The following IL12RB2 variants were observed in gnomAD, a reference collection of about 807,000 sequenced individuals.
The protein encoded by IL12RB2 is interleukin 12 receptor subunit beta 2, also known as interleukin-12 receptor subunit beta-2.
IL12RB2 carries 82 observed loss-of-function variants against 89.4 expected under a neutral mutation model. The observed-to-expected ratio is 0.92, with a 90% CI of 0.77 to 1.10. The LOEUF is 1.10. Ranked by LOEUF, IL12RB2 falls within the 50% of genes least tolerant of loss-of-function variation. IL12RB2 has a pLI of 0.00. For synonymous variants in IL12RB2, 368 were observed against 370.1 expected (o/e 0.99, Z 0.07); for missense variants, 963 against 1,031.9 (o/e 0.93, Z 0.92).
chr1:67,349,488 C>T (rs1472905765), intron 9 of IL12RB2, among the ~76,000 whole-genome samples: 1 of 152,186 alleles, frequency 6.6e-6, no homozygotes, highest in Non-Finnish European at 1.5e-5. Flanking sequence ...ACATCCTACT[C>T]TAAAAAGCAC....
At chr1:67,345,852 A>C (rs758889774) in intron 9 of IL12RB2, among the ~76,000 whole-genome samples, 1 of 152,242 alleles carries the variant, frequency 6.6e-6, no homozygotes, top group Non-Finnish European at 1.5e-5. Context: ...CCAGTGCAAA[A>C]AAATAAGAGA....
Position 67,336,286 on chromosome 1 carries a change from T to G in IL12RB2, c.959-2338T>G, listed in dbSNP as rs184391029. 2.6e-3 allele frequency among the ~76,000 whole-genome samples: 402 copies of G among 152,312 alleles called. 1 individual carries two copies. The highest frequency in any genetic ancestry group is 0.023 in the Admixed American group (355 of 15,300). On this transcript the variant is annotated intron_variant, in intron 8 of 16. Transcript: ENST00000674203. ...TTTTGCCAGCCTCCTTGTCCTCAGC[T>G]GTAAAGCAGATGTAATCATATGCAC... is the stretch of plus-strand genomic sequence containing the variant.
At chr1:67,309,376 A>G (rs927413897) in intron 1 of IL12RB2, among the ~76,000 whole-genome samples, 8 of 152,186 alleles carry the variant, frequency 5.3e-5, no homozygotes, top group Non-Finnish European at 1.0e-4. Flanking sequence ...TCAGAACCTT[A>G]TAACCACCTC....
chr1:67,391,641 A>ATT (rs764415306), intron 16 of IL12RB2, among the ~76,000 whole-genome samples: 1 of 143,726 alleles, frequency 7.0e-6, no homozygotes, highest in Admixed American at 7.1e-5. Flanking sequence ...AGGTCGTATG[A>ATT]TTTTTTTTTT....
At chr1:67,377,901 G>A (rs555123687) in intron 13 of IL12RB2, among the ~76,000 whole-genome samples, 7 of 152,050 alleles carry the variant, frequency 4.6e-5, no homozygotes, top group South Asian at 4.2e-4. Flanking sequence ...TGAGGCAGGC[G>A]GATCACCTGA....
intron 9 of IL12RB2, among the ~76,000 whole-genome samples, chr1:67,350,489 G>C (rs1660709099): frequency 6.6e-6 from 1 of 152,242 alleles, no homozygotes; most frequent in Non-Finnish European, 1.5e-5. Context: ...ACTCAGAGGG[G>C]CTGAGTGCCT....
chr1:67,308,259 A>T (rs1654541870), intron 1 of IL12RB2, among the ~76,000 whole-genome samples: 1 of 151,970 alleles, frequency 6.6e-6, no homozygotes, highest in Admixed American at 6.6e-5. Flanking sequence ...TGAGCCTCCA[A>T]GGTACTCTCT....
chr1:67,332,644 T>G (rs4655698), intron 8 of IL12RB2, among the ~76,000 whole-genome samples: 111,462 of 152,130 alleles, frequency 0.73, 41,895 homozygotes, highest in Non-Finnish European at 0.81. Flanking sequence ...ATCGTTTTAT[T>G]ATATATAGTC....
intron 11 of IL12RB2, among the ~76,000 whole-genome samples, chr1:67,370,720 G>A (rs1311660880): frequency 1.3e-5 from 2 of 152,152 alleles, no homozygotes; most frequent in Admixed American, 1.3e-4. Flanking sequence ...GAGATGGGGA[G>A]CAGATATTGT....
chr1:67,375,610 A>G (rs948565699), intron 13 of IL12RB2, among the ~76,000 whole-genome samples: 1 of 152,140 alleles, frequency 6.6e-6, no homozygotes, highest in African/African-American at 2.4e-5. Flanking sequence ...CTGGTGTTTC[A>G]GCACCATTAA....
intron 14 of IL12RB2, among the ~76,000 whole-genome samples, chr1:67,385,570 C>G (rs574578519): frequency 6.6e-6 from 1 of 152,334 alleles, no homozygotes; most frequent in African/African-American, 2.4e-5. Context: ...CTTCTTTAGA[C>G]AGCAGAGCCA....
chr1:67,345,012 T>C (rs576578006), intron 9 of IL12RB2, among the ~76,000 whole-genome samples: 4 of 152,128 alleles, frequency 2.6e-5, no homozygotes, highest in African/African-American at 9.6e-5. Context: ...CTACTAAAAA[T>C]ACAAAAATGT....
rs754886681 is a variant in IL12RB2 at position 67,320,463 on chromosome 1, T to C, written c.76+19T>C. On this transcript the variant is annotated intron_variant, in intron 3 of 16. Coordinates refer to ENST00000674203, the MANE Select transcript of IL12RB2 (RefSeq NM_001374259.2). ...AAAATAGGTAAGATATTTCTGTAAGTTACTCTGTGGAAGAATTTGTGGTTT... is the reference window on the plus strand; with the variant it reads ...AAAATAGGTAAGATATTTCTGTAAGCTACTCTGTGGAAGAATTTGTGGTTT... 2 of 1,613,442 alleles carry C rather than the reference T, an allele frequency of 1.2e-6. No homozygotes were observed. The highest frequency in any genetic ancestry group is 2.2e-5 in the South Asian group (2 of 91,058).
At position 67,329,723 on chromosome 1, in the gene IL12RB2, G is replaced by A. The variant is rs1569822632; in HGVS notation, c.801G>A (p.Trp267Ter). 6.2e-7 allele frequency: 1 copy of A among 1,605,178 alleles called. No homozygotes were observed. Among genetic ancestry groups the A allele is most frequent in the South Asian group, 1.1e-5 (1 of 90,900 alleles). The change falls in exon 7 of 17, where the codon TGG (tryptophan) becomes TGA (stop). Residue 267 changes from tryptophan to a stop codon, truncating the protein, a stop_gained. Coordinates refer to ENST00000674203, the MANE Select transcript of IL12RB2 (RefSeq NM_001374259.2). LOFTEE classifies it high-confidence loss of function. ...ATCGGCCCAGTAACAGCAGGCTCTG[G>A]AATATGGTAATTATCTTTAGAGTGA... ...LRYRPSNSRL[W>*]NMVNVTKAKG...
intron 13 of IL12RB2, among the ~76,000 whole-genome samples, chr1:67,373,691 T>A (rs1663620842): frequency 6.6e-6 from 1 of 152,252 alleles, no homozygotes; most frequent in Non-Finnish European, 1.5e-5. Context: ...CTTTGATTTA[T>A]TCAGAGTTTT....
At chr1:67,369,055 C>G (rs79850892) in intron 11 of IL12RB2, among the ~76,000 whole-genome samples, 79 of 152,278 alleles carry the variant, frequency 5.2e-4, no homozygotes, top group African/African-American at 1.8e-3. Context: ...AAGATTTATA[C>G]AAATGAAATA....
chr1:67,332,194 T>C (rs923181919), intron 8 of IL12RB2, among the ~76,000 whole-genome samples: 2 of 150,414 alleles, frequency 1.3e-5, no homozygotes, highest in Non-Finnish European at 2.9e-5. Context: ...TCTTATATTC[T>C]TCCTTACTTC....
intron 10 of IL12RB2, 71 bp from the exon 11 acceptor site, chr1:67,367,754 C>CT (rs1662865415): frequency 2.2e-6 from 2 of 918,088 alleles, no homozygotes; most frequent in South Asian, 1.3e-5. Flanking sequence ...AGCTGTTTGG[C>CT]TTTTTTTGTT....
At chr1:67,365,413 G>A (rs1220840894) in intron 10 of IL12RB2, among the ~76,000 whole-genome samples, 1 of 152,034 alleles carries the variant, frequency 6.6e-6, no homozygotes, top group African/African-American at 2.4e-5. Flanking sequence ...AAAAAAAAGA[G>A]AGAAAGAGGA....
Sources: gnomAD v4.1 joint callset for allele counts (sites outside exome capture counted in the v4.1 genomes callset) on GRCh38, gnomAD v4.1.1 for gene constraint, MANE v1.5 for transcripts, NCBI Gene and HGNC (gene_info 2026-07-23, HGNC 2026-07-21) for gene names.